The following GRID1 variants were observed in gnomAD, a reference collection of about 807,000 sequenced individuals.
The protein encoded by GRID1 is glutamate receptor ionotropic, delta-1.
A neutral mutation model predicts 98.0 loss-of-function variants in GRID1; 28 were observed. The ratio of observed to expected loss-of-function variants is 0.29; its 90% CI spans 0.21 to 0.39. The LOEUF (loss-of-function observed/expected upper bound fraction) is 0.39. Ranked by LOEUF, GRID1 falls within the 10% of genes least tolerant of loss-of-function variation. The probability of loss-of-function intolerance (pLI) is 1.00; values close to 1 mark genes in which losing one functional copy is unlikely to be tolerated. For synonymous variants in GRID1, 553 were observed against 538.5 expected (o/e 1.03, Z -0.37); for missense variants, 1,111 against 1,340.5 (o/e 0.83, Z 2.67).
intron 2 of GRID1, among the ~76,000 whole-genome samples, chr10:86,227,111 G>C (rs1846363791): frequency 6.6e-6 from 1 of 152,262 alleles, no homozygotes; most frequent in South Asian, 2.1e-4. Flanking sequence ...ATATGGGCCT[G>C]GGTGAAGCCA....
intron 12 of GRID1, among the ~76,000 whole-genome samples, chr10:85,702,397 A>T (rs1273413959): frequency 6.6e-6 from 1 of 152,174 alleles, no homozygotes; most frequent in Non-Finnish European, 1.5e-5. Flanking sequence ...AAAGGAAATG[A>T]ATTGAAAATG....
rs1841562055 is a variant in GRID1, at chr10:85,709,724, G to C, written c.1997+13279C>G. ...TTGTATATTTAAAAGATAAGAAAGAGAGGAAAATGTATTAAATCAATATTT... is the reference window on the plus strand; with the variant it reads ...TTGTATATTTAAAAGATAAGAAAGACAGGAAAATGTATTAAATCAATATTT... On this transcript the variant is annotated intron_variant, in intron 12 of 15. Transcript: ENST00000327946. Among the ~76,000 whole-genome samples, 2 of 152,182 alleles carry C rather than the reference G, an allele frequency of 1.3e-5. 1 individual carries two copies. The highest frequency in any genetic ancestry group is 4.1e-4 in the South Asian group (2 of 4,828).
At chr10:86,123,977 G>A (rs1844715491) in intron 4 of GRID1, among the ~76,000 whole-genome samples, 1 of 152,212 alleles carries the variant, frequency 6.6e-6, no homozygotes, top group South Asian at 2.1e-4. Flanking sequence ...CCAGAATGAG[G>A]CTGCCAGGCA....
chr10:86,323,092 A>G (rs571610409), intron 2 of GRID1, among the ~76,000 whole-genome samples: 1 of 152,172 alleles, frequency 6.6e-6, no homozygotes, highest in Admixed American at 6.5e-5. Flanking sequence ...GCAAGACTCT[A>G]TATGAAAAAG....
intron 8 of GRID1, among the ~76,000 whole-genome samples, chr10:85,752,826 T>C (rs1348135562): frequency 6.6e-6 from 1 of 152,214 alleles, no homozygotes; most frequent in Non-Finnish European, 1.5e-5. Context: ...TACTAAAAGG[T>C]AACTTTTAAG....
chr10:86,285,329 C>T (rs1374948207), intron 2 of GRID1, among the ~76,000 whole-genome samples: 4 of 152,216 alleles, frequency 2.6e-5, no homozygotes. Context: ...TGAGGATCGC[C>T]CTGCACATGA....
At position 86,028,344 on chromosome 10, in the gene GRID1, T is replaced by A. The variant is rs572389586; in HGVS notation, c.726+110475A>T. Among the ~76,000 whole-genome samples, 48 of 152,226 alleles carry A rather than the reference T, an allele frequency of 3.2e-4. 1 individual carries two copies. Among genetic ancestry groups the A allele is most frequent in the African/African-American group, 1.1e-3 (46 of 41,522 alleles). ...GGGAAGGTTATGGAATTTTATATAC[T>A]CATCAAGGCTATGGAATTAAGGTCC... On this transcript the variant is annotated intron_variant, in intron 4 of 15. Transcript: ENST00000327946.
At chr10:86,294,731 G>C (rs564278867) in intron 2 of GRID1, among the ~76,000 whole-genome samples, 1 of 152,248 alleles carries the variant, frequency 6.6e-6, no homozygotes, top group Non-Finnish European at 1.5e-5. Context: ...GAGGCAAGCT[G>C]GCAGGACTGC....
intron 4 of GRID1, among the ~76,000 whole-genome samples, chr10:85,941,022 A>G (rs1841991674): frequency 6.6e-6 from 1 of 152,214 alleles, no homozygotes; most frequent in African/African-American, 2.4e-5. Context: ...AGACTGGAGA[A>G]GAATTGTATG....
intron 3 of GRID1, among the ~76,000 whole-genome samples, chr10:86,175,560 G>A (rs186128337): frequency 2.0e-4 from 30 of 152,088 alleles, no homozygotes; most frequent in Admixed American, 1.6e-3. Context: ...CCACTGCAAC[G>A]GCTCTTGTCA....
intron 4 of GRID1, among the ~76,000 whole-genome samples, chr10:86,101,154 G>T (rs1286991218): frequency 6.6e-6 from 1 of 152,088 alleles, no homozygotes; most frequent in East Asian, 1.9e-4. Context: ...AGGTAGCCTG[G>T]GTGGCTGGAA....
intron 4 of GRID1, among the ~76,000 whole-genome samples, chr10:86,117,781 G>C (rs537124671): frequency 2.0e-5 from 3 of 152,350 alleles, no homozygotes; most frequent in Admixed American, 2.0e-4. Context: ...ACTCCTGCAA[G>C]AATGGCCATA....
At chr10:85,955,450 G>A (rs925829632) in intron 4 of GRID1, among the ~76,000 whole-genome samples, 2 of 152,044 alleles carry the variant, frequency 1.3e-5, no homozygotes, top group Non-Finnish European at 2.9e-5. Context: ...AGTGGTAGAG[G>A]GTCCAGCTGG....
chr10:85,700,382 C>T (rs547273015), intron 12 of GRID1, among the ~76,000 whole-genome samples: 2 of 152,276 alleles, frequency 1.3e-5, no homozygotes, highest in South Asian at 2.1e-4. Context: ...ACAACTATGC[C>T]TTGTTGTCTT....
chr10:86,291,839 G>A lies in GRID1; in HGVS notation c.235+72102C>T, dbSNP rs369496535. ...GACACAGCACAGCAAGGTCTGGGGC[G>A]GGGGCAGGTGGCAGCAATTCAACAT... On this transcript the variant is annotated intron_variant, in intron 2 of 15. Transcript: ENST00000327946. Among the ~76,000 whole-genome samples, 8 of 152,322 alleles carry A rather than the reference G, an allele frequency of 5.3e-5. No individual in the cohort carries two copies. The East Asian group carries it at 5.8e-4, about 11-fold the overall frequency.
intron 4 of GRID1, among the ~76,000 whole-genome samples, chr10:85,978,933 A>G (rs1422906739): frequency 2.0e-5 from 3 of 152,212 alleles, no homozygotes; most frequent in African/African-American, 7.2e-5. Flanking sequence ...CTCAGAAAGC[A>G]TAAGTGTCTT....
chr10:85,840,916 A>G (rs1842955453), intron 8 of GRID1, among the ~76,000 whole-genome samples: 1 of 152,248 alleles, frequency 6.6e-6, no homozygotes, highest in South Asian at 2.1e-4. Flanking sequence ...ATACTGGCCA[A>G]AGCAATTTAT....
rs1430364274 is a variant in GRID1, at chr10:86,192,907, G to C, written c.520+13457C>G. Among the ~76,000 whole-genome samples the C allele has an allele frequency of 6.6e-6, 1 of 151,996 alleles. No homozygotes were observed. Among genetic ancestry groups the C allele is most frequent in the African/African-American group, 2.4e-5 (1 of 41,422 alleles). On this transcript the variant is annotated intron_variant, in intron 3 of 15. Transcript: ENST00000327946. This position sits in a 1 kb window ranked among gnomAD's most constrained non-coding sequence, Gnocchi z 4.8. ...CCAGAGCCTGAGTCCCAGGCCTAAG[G>C]CTCCACTGTGTGTGGGTCCCTCTGC...
chr10:85,993,007 T>C (rs61856011), intron 4 of GRID1, among the ~76,000 whole-genome samples: 1 of 151,946 alleles, frequency 6.6e-6, no homozygotes, highest in Non-Finnish European at 1.5e-5. Flanking sequence ...GATAGGGTGG[T>C]GCAGGAAGGG....
Sources: gnomAD v4.1 joint callset for allele counts (sites outside exome capture counted in the v4.1 genomes callset) on GRCh38, gnomAD v4.1.1 for gene constraint, Gnocchi (gnomAD v3.1) non-coding constraint, MANE v1.5 for transcripts, NCBI Gene and HGNC (gene_info 2026-07-23, HGNC 2026-07-21) for gene names.